BAD: variants seen among roughly 807,000 people sequenced by gnomAD.
The protein encoded by BAD is BCL2 associated agonist of cell death.
BAD carries 18 observed loss-of-function variants against 17.8 expected under a neutral mutation model. The observed-to-expected ratio is 1.01, with a 90% CI of 0.70 to 1.50. BAD has a LOEUF of 1.50. Ranked by LOEUF, BAD falls within the 40% of genes most tolerant of loss-of-function variation. The pLI, the probability that BAD is intolerant of heterozygous loss-of-function variation, is 0.00. For missense variants in BAD, 294 were observed against 239.3 expected (o/e 1.23, Z -1.51); for synonymous variants, 112 against 91.5 (o/e 1.22, Z -1.28).
chr11:64,283,188 G>A (rs1239507435), intron 2 of BAD, among the ~76,000 whole-genome samples: 1 of 152,212 alleles, frequency 6.6e-6, no homozygotes, highest in Admixed American at 6.5e-5. Context: ...TGAAAATGGG[G>A]AGGAGGTCTT....
intron 3 of BAD, chr11:64,270,561 AAG>A: frequency 1.4e-6 from 1 of 719,436 alleles, no homozygotes; most frequent in Non-Finnish European, 2.5e-6. Context: ...CGGAGACGGG[AAG>A]AGAGGATGCC....
At chr11:64,281,075 C>A (rs1225986613) in intron 2 of BAD, among the ~76,000 whole-genome samples, 1 of 152,124 alleles carries the variant, frequency 6.6e-6, no homozygotes, top group African/African-American at 2.4e-5. Context: ...TCACGCCATT[C>A]TCCTGCCTCA....
intron 3 of BAD, chr11:64,270,572 C>T: frequency 1.4e-6 from 1 of 707,272 alleles, no homozygotes; most frequent in African/African-American, 1.7e-5. Flanking sequence ...AGAGAGGATG[C>T]CTAGGGCCCT....
intron 2 of BAD, among the ~76,000 whole-genome samples, chr11:64,277,578 C>T (rs945117186): frequency 3.9e-5 from 6 of 152,162 alleles, no homozygotes; most frequent in Non-Finnish European, 8.8e-5. Context: ...GCTTGGACTA[C>T]AGGCATCACC....
Position 64,271,606 on chromosome 11 carries a change from C to CG in BAD, c.378+6dup. The CG allele has an allele frequency of 4.9e-6, 7 of 1,435,680 alleles. No individual in the cohort carries two copies. Among genetic ancestry groups the CG allele is most frequent in the Non-Finnish European group, 6.4e-6 (7 of 1,091,444 alleles). 88.9% of individuals were successfully genotyped at this position (1,435,680 alleles called of 1,614,324 possible). ...CAGGTCCTGGCACGCTGGGGACTGG[C>CG]GCTCACCTTAAAGGAGTCCACAAAC... is the stretch of plus-strand genomic sequence containing the variant. On this transcript the variant is annotated splice_region_variant and intron_variant, in intron 3 of 3. Transcript: ENST00000309032.
intron 3 of BAD, 69 bp from the exon 4 acceptor site, chr11:64,270,406 C>A (rs1324090438): frequency 6.8e-7 from 1 of 1,474,774 alleles, no homozygotes; most frequent in Non-Finnish European, 9.1e-7. Context: ...TCTCCACTTC[C>A]GTGAGCCTTC....
chr11:64,276,310 G>GTA (rs1565347788), intron 2 of BAD: 3 of 151,636 alleles, frequency 2.0e-5, no homozygotes, highest in Non-Finnish European at 4.4e-5. Flanking sequence ...GTGTGTGTGT[G>GTA]TGTGTATATA....
chr11:64,276,278 G>A (rs2033047459), intron 2 of BAD: 1 of 36,700 alleles, frequency 2.7e-5, no homozygotes, highest in Non-Finnish European at 5.3e-5. Context: ...ATATATTTAT[G>A]TGTGTGTGTG....
chr11:64,281,679 C>T (rs969888797), intron 2 of BAD, among the ~76,000 whole-genome samples: 6 of 152,190 alleles, frequency 3.9e-5, no homozygotes, highest in Admixed American at 3.9e-4. Context: ...GAGTGCTGAC[C>T]ACCTCTGCTA....
intron 2 of BAD, chr11:64,272,582 T>C (rs114981174): frequency 6.6e-6 from 1 of 152,242 alleles, no homozygotes; most frequent in Non-Finnish European, 1.5e-5. Flanking sequence ...CTGGAACTGT[T>C]GACGTTTTTA....
At chr11:64,276,298 T>TTGTGTGTGTATGTATGTG (rs55795317) in intron 2 of BAD, 2 of 146,068 alleles carry the variant, frequency 1.4e-5, no homozygotes, top group Non-Finnish European at 1.5e-5. Flanking sequence ...GTGTATATAT[T>TTGTGTGTGTATGTATGTG]TGTGTGTGTG....
Position 64,270,210 on chromosome 11 carries a change from C to T in BAD, c.506G>A (p.Ter169=). Residue 169 remains the stop codon, a stop_retained_variant, in exon 4 of 4, where the codon TGA becomes TAA. Coordinates refer to ENST00000309032, the MANE Select transcript of BAD (RefSeq NM_032989.3). The part of the protein sequence containing the change: ...LGRGSSAPSQ[*] Reference sequence around the variant, plus strand: ...GAGTTTCGGGATGTGGAGCGAAGGTCACTGGGAGGGGGCGGAGCTTCCCCT... The same window carrying T: ...GAGTTTCGGGATGTGGAGCGAAGGTTACTGGGAGGGGGCGGAGCTTCCCCT... The T allele has an allele frequency of 1.2e-6, 2 of 1,613,786 alleles. No individual in the cohort carries two copies. The highest frequency in any genetic ancestry group is 1.7e-6 in the Non-Finnish European group (2 of 1,179,834).
chr11:64,271,767 G>A lies in BAD; in HGVS notation c.224C>T (p.Ser75Phe). The A allele has an allele frequency of 2.1e-6, 3 of 1,426,570 alleles. No individual in the cohort carries two copies. The highest frequency in any genetic ancestry group is 1.5e-5 in the South Asian group (1 of 64,738). The allele number at this position is 1,426,570 out of a possible 1,614,324, so 88.4% of individuals were successfully genotyped here. Residue 75 changes from serine (S) to phenylalanine (F), a missense_variant, in exon 3 of 4, where the codon TCC becomes TTC. Coordinates refer to ENST00000309032, the MANE Select transcript of BAD (RefSeq NM_032989.3). ...GAVEIRSRHS[S>F]YPAGTEDDEG... is the part of the protein sequence containing the mutation. ...GTCGTCCTCCGTCCCCGCGGGGTAG[G>A]AGCTGTGGCGACTCCGGATCTCCAC...
chr11:64,282,239 T>TG (rs1302820500), intron 2 of BAD, among the ~76,000 whole-genome samples: 11 of 152,042 alleles, frequency 7.2e-5, no homozygotes, highest in African/African-American at 2.4e-4. Context: ...GCTGAGTGTG[T>TG]GTGGGGGGCA....
Position 64,270,278 on chromosome 11 carries a change from G to C in BAD, c.438C>G (p.Ser146Arg), listed in dbSNP as rs894529854. ...GTATQMRQSSSWTRVFQSWWD... is the reference protein window; with the variant it reads ...GTATQMRQSSRWTRVFQSWWD... ...ACCAGGACTGGAAGACTCGCGTCCA[G>C]CTGGAGCTTTGCCGCATCTGCGTTG... is the stretch of plus-strand genomic sequence containing the variant. The change falls in exon 4 of 4, where the codon AGC becomes AGG. Residue 146 changes from serine to arginine, a missense_variant. Ser to Arg is a moderately radical substitution (Grantham distance 110, BLOSUM62 -1). Transcript: ENST00000309032. 2.8e-5 allele frequency: 44 copies of C among 1,589,860 alleles called. No individual in the cohort carries two copies. The highest frequency in any genetic ancestry group is 3.7e-5 in the Non-Finnish European group (43 of 1,163,160).
At chr11:64,271,914 G>A in intron 2 of BAD, 111 bp from the exon 3 acceptor site, 1 of 899,054 alleles carries the variant, frequency 1.1e-6, no homozygotes, top group Non-Finnish European at 1.5e-6. Context: ...GGGTCTTCCA[G>A]GGGCGCATCA....
chr11:64,274,511 A>G lies in BAD; in HGVS notation c.188-2708T>C, dbSNP rs372064196. Among the ~76,000 whole-genome samples the G allele has an allele frequency of 3.1e-3, 475 of 152,152 alleles. 26 individuals carry two copies. The South Asian group carries it at 0.095, about 30-fold the overall frequency. On this transcript the variant is annotated intron_variant, in intron 2 of 3. Transcript: ENST00000309032. ...AGATCAGCCTGACCCAACATGGCAA[A>G]AACCCATCTCTACTAAAAATACAAA...
chr11:64,282,499 C>T (rs1002535512), intron 2 of BAD, among the ~76,000 whole-genome samples: 10 of 152,138 alleles, frequency 6.6e-5, no homozygotes, highest in African/African-American at 2.4e-4. Context: ...GTTCTGGAGG[C>T]TGAGGCAGGA....
At chr11:64,272,523 G>C (rs2032713975) in intron 2 of BAD, among the ~76,000 whole-genome samples, 1 of 152,176 alleles carries the variant, frequency 6.6e-6, no homozygotes, top group African/African-American at 2.4e-5. Context: ...ACAAGAACTT[G>C]GCCGCTACAT....
Sources: gnomAD v4.1 joint callset for allele counts (sites outside exome capture counted in the v4.1 genomes callset) on GRCh38, gnomAD v4.1.1 for gene constraint, MANE v1.5 for transcripts, NCBI Gene and HGNC (gene_info 2026-07-23, HGNC 2026-07-21) for gene names.